Variants in ITGAM observed in about 807,000 individuals in gnomAD.
ITGAM encodes the protein integrin subunit alpha M, also known as integrin alpha-M.
In ITGAM, 79 loss-of-function variants were observed where a neutral mutation model predicts 137.5. That is an observed-to-expected ratio of 0.57 (90% confidence interval 0.48 to 0.69). The LOEUF is 0.69. ITGAM is among the 30% of genes least tolerant of loss of function. The pLI is 0.00. For missense variants in ITGAM, 1,343 were observed against 1,483.5 expected, an observed-to-expected ratio of 0.91 and a Z score of 1.56; for synonymous variants, 583 against 592.3, an observed-to-expected ratio of 0.98 and a Z score of 0.23.
At position 31,271,026 on chromosome 16, in the gene ITGAM, G is replaced by A. The variant is rs1567249191; in HGVS notation, c.500G>A (p.Arg167Gln). Reference sequence around the variant, plus strand: ...GGTAGCATCATCCCACATGACTTTCGGCGGATGAAGGAGTTTGTCTCAACT... The same window carrying A: ...GGTAGCATCATCCCACATGACTTTCAGCGGATGAAGGAGTTTGTCTCAACT... Reference protein sequence around the residue: ...GSGSIIPHDFRRMKEFVSTVM... With the variant: ...GSGSIIPHDFQRMKEFVSTVM... The change falls in exon 6 of 30, where the codon CGG (arginine) becomes CAG (glutamine). Residue 167 changes from arginine to glutamine, a missense_variant. By Grantham distance (43) the Arg-to-Gln change is conservative (BLOSUM62 1). Transcript: ENST00000544665. 16 of 1,583,736 alleles carry A rather than the reference G, an allele frequency of 1.0e-5. No homozygotes were observed. The highest frequency in any genetic ancestry group is 1.3e-5 in the Non-Finnish European group (15 of 1,161,932).
chr16:31,312,250 C>T lies in ITGAM; in HGVS notation c.1708-8991C>T, dbSNP rs534776565. Among the ~76,000 whole-genome samples, 28 of 151,454 alleles carry T rather than the reference C, an allele frequency of 1.8e-4. 1 individual carries two copies. Among genetic ancestry groups the T allele is most frequent in the African/African-American group, 4.8e-4 (20 of 41,270 alleles). ...TGTATACATATGTAACAAACCTGCA[C>T]GTTGTGCATGTGTACCCTAAAACTT... is the stretch of plus-strand genomic sequence containing the variant. On this transcript the variant is annotated intron_variant, in intron 14 of 29. Transcript: ENST00000544665.
intron 14 of ITGAM, among the ~76,000 whole-genome samples, chr16:31,304,151 C>T (rs1304063917): frequency 6.6e-6 from 1 of 152,018 alleles, no homozygotes; most frequent in Non-Finnish European, 1.5e-5. Context: ...TTAGTTATGG[C>T]CATTCTTGCA....
At chr16:31,319,805 TTC>T (rs1450721875) in intron 14 of ITGAM, among the ~76,000 whole-genome samples, 1 of 151,554 alleles carries the variant, frequency 6.6e-6, no homozygotes, top group African/African-American at 2.4e-5. Flanking sequence ...TTTCATTTTG[TTC>T]TCTTTTTGTA....
chr16:31,286,485 T>TTTTTC (rs2080030823), intron 12 of ITGAM, among the ~76,000 whole-genome samples: 1 of 152,208 alleles, frequency 6.6e-6, no homozygotes, highest in African/African-American at 2.4e-5. Flanking sequence ...TAAGCGTTCC[T>TTTTTC]TTTTCTTCAT....
chr16:31,306,657 G>A (rs568970054), intron 14 of ITGAM, among the ~76,000 whole-genome samples: 1 of 152,064 alleles, frequency 6.6e-6, no homozygotes, highest in African/African-American at 2.4e-5. Flanking sequence ...GATTACAGGA[G>A]TGCGCCACCA....
At chr16:31,274,324 AG>A (rs1450374484) in intron 8 of ITGAM, among the ~76,000 whole-genome samples, 1 of 152,222 alleles carries the variant, frequency 6.6e-6, no homozygotes, top group African/African-American at 2.4e-5. Flanking sequence ...AGAAAAAGAA[AG>A]AGGAGAAAGG....
At chr16:31,289,625 A>G (rs1243500961) in intron 12 of ITGAM, among the ~76,000 whole-genome samples, 1 of 152,172 alleles carries the variant, frequency 6.6e-6, no homozygotes, top group East Asian at 1.9e-4. Context: ...GGAAGGGAGG[A>G]GGGAAAGCAT....
chr16:31,265,244 AT>A (rs57969716), intron 2 of ITGAM, 150 bp from the exon 3 acceptor site: 10,228 of 488,588 alleles, frequency 0.021, 900 homozygotes, highest in African/African-American at 0.19. Context: ...ACATTTTCCC[AT>A]TTTTTTCTTT....
intron 14 of ITGAM, among the ~76,000 whole-genome samples, chr16:31,306,163 A>G (rs138139935): frequency 3.3e-5 from 5 of 152,192 alleles, no homozygotes; most frequent in African/African-American, 1.2e-4. Context: ...TATAGCTATT[A>G]TATGATTAAT....
chr16:31,321,340 G>A lies in ITGAM; in HGVS notation c.1807G>A (p.Val603Ile), dbSNP rs750431617. Residue 603 changes from valine (V) to isoleucine (I), a missense_variant, in exon 15 of 30, where the codon GTA (valine) becomes ATA (isoleucine). Physicochemically the swap from Val to Ile is conservative, Grantham distance 29. Coordinates refer to ENST00000544665, the MANE Select transcript of ITGAM (RefSeq NM_000632.4). ...AATGGATGGACTGGTAGACCTGACTGTAGGAGCCCAGGGGCACGTGCTGCT... is the reference window on the plus strand; with the variant it reads ...AATGGATGGACTGGTAGACCTGACTATAGGAGCCCAGGGGCACGTGCTGCT... Reference protein sequence around the residue: ...LTMDGLVDLTVGAQGHVLLLR... With the variant: ...LTMDGLVDLTIGAQGHVLLLR... 3.6e-5 allele frequency: 58 copies of A among 1,613,940 alleles called. No individual in the cohort carries two copies. Among genetic ancestry groups the A allele is most frequent in the Non-Finnish European group, 4.3e-5 (51 of 1,179,914 alleles).
intron 2 of ITGAM, among the ~76,000 whole-genome samples, chr16:31,262,390 TCC>T (rs2079714684): frequency 7.1e-6 from 1 of 141,410 alleles, no homozygotes; most frequent in African/African-American, 2.8e-5. Context: ...CTTCCTTCCT[TCC>T]TTCCTTCCTT....
intron 2 of ITGAM, among the ~76,000 whole-genome samples, chr16:31,265,158 G>A (rs1021673552): frequency 1.3e-5 from 2 of 152,128 alleles, no homozygotes; most frequent in African/African-American, 4.8e-5. Flanking sequence ...ATGAGCCACC[G>A]CGCCTGGTCC....
intron 11 of ITGAM, among the ~76,000 whole-genome samples, 188 bp downstream of exon 11, chr16:31,277,237 C>T (rs367948529): frequency 6.6e-6 from 1 of 151,998 alleles, no homozygotes; most frequent in East Asian, 1.9e-4. Flanking sequence ...TTTCTTGTCG[C>T]CCGGGCTGTA....
rs144403186 is a variant in ITGAM at position 31,299,865 on chromosome 16, C to A, written c.1707+1911C>A. On this transcript the variant is annotated intron_variant, in intron 14 of 29. Coordinates refer to ENST00000544665, the MANE Select transcript of ITGAM (RefSeq NM_000632.4). ...CTCCTCTCCTCCTCCTCCTCCTCCT[C>A]CTTCTTCTTTTTTGACAAAGTCTTG... 2.0e-3 allele frequency among the ~76,000 whole-genome samples: 282 copies of A among 143,158 alleles called. 1 individual carries two copies. In the East Asian group the frequency reaches 0.02, roughly 10 times the overall value. 93.9% of individuals were successfully genotyped at this position (143,158 alleles called of 152,430 possible). A position where few individuals can be genotyped will look rare whatever the true frequency, so the allele number is the denominator to read the frequency against.
chr16:31,289,968 C>T (rs752704673), intron 12 of ITGAM, among the ~76,000 whole-genome samples: 19 of 150,906 alleles, frequency 1.3e-4, no homozygotes, highest in Non-Finnish European at 2.7e-4. Context: ...GTAATCTCAG[C>T]TACTTGGGAG....
At chr16:31,315,872 T>C (rs2080386204) in intron 14 of ITGAM, among the ~76,000 whole-genome samples, 1 of 152,060 alleles carries the variant, frequency 6.6e-6, no homozygotes, top group Non-Finnish European at 1.5e-5. Context: ...CTTTCCCCAT[T>C]GTATGCCCTT....
rs1180537918 is a variant in ITGAM at position 31,297,543 on chromosome 16, C to T, written c.1386C>T (p.Cys462=). The T allele has an allele frequency of 1.2e-6, 2 of 1,612,108 alleles. No homozygotes were observed. Among genetic ancestry groups the T allele is most frequent in the East Asian group, 2.2e-5 (1 of 44,884 alleles). ...GCGCCTACTTCGGGGCCTCCCTCTG[C>T]TCCGTGGACGTGGACAGCAACGGCA... The part of the protein sequence containing the change: ...QIGAYFGASL[C]SVDVDSNGST... Residue 462 remains cysteine, a synonymous_variant, in exon 13 of 30, where the codon TGC becomes TGT. Coordinates refer to ENST00000544665, the MANE Select transcript of ITGAM (RefSeq NM_000632.4).
At chr16:31,323,164 G>A (rs953982317) in intron 16 of ITGAM, among the ~76,000 whole-genome samples, 3 of 152,116 alleles carry the variant, frequency 2.0e-5, no homozygotes, top group African/African-American at 4.8e-5. Context: ...AGTCACGGTG[G>A]CTCACGCCTG....
At chr16:31,298,066 C>G in intron 14 of ITGAM, 112 bp downstream of exon 14, 3 of 886,538 alleles carry the variant, frequency 3.4e-6, no homozygotes, top group South Asian at 3.0e-5. Context: ...CTTTCAGAAC[C>G]TTCAAAAATA....
Sources: allele counts gnomAD v4.1 joint callset (sites outside exome capture counted in the v4.1 genomes callset), GRCh38; gene constraint gnomAD v4.1.1; transcripts MANE v1.5; gene names NCBI Gene and HGNC (gene_info 2026-07-23, HGNC 2026-07-21).